The following UPK3B variants were observed in gnomAD, a reference collection of about 807,000 sequenced individuals.
UPK3B encodes the protein uroplakin 3B, also known as uroplakin-3b.
UPK3B carries 21 observed loss-of-function variants against 27.6 expected under a neutral mutation model. The ratio of observed to expected loss-of-function variants is 0.76; its 90% CI spans 0.54 to 1.10. UPK3B has a LOEUF of 1.10. Ranked by LOEUF, UPK3B falls within the 50% of genes least tolerant of loss-of-function variation. The probability of loss-of-function intolerance (pLI) is 0.00; values close to 1 mark genes in which losing one functional copy is unlikely to be tolerated. For synonymous variants in UPK3B, 141 were observed against 162.3 expected (o/e 0.87, Z 1.00); for missense variants, 306 against 376.1 (o/e 0.81, Z 1.54).
Position 76,510,663 on chromosome 7 carries a change from C to G in UPK3B, c.11C>G (p.Pro4Arg). Residue 4 changes from proline to arginine, a missense_variant, in exon 1 of 6, where the codon CCC becomes CGC. Pro to Arg is a moderately radical substitution (Grantham distance 103). Around this residue, in one of 4 missense-constraint regions of UPK3B, gnomAD observed 33 missense variants for 30.9 expected, o/e 1.07. Transcript: ENST00000334348. MGL[P>R]WGQPHLGLQM... The stretch of plus-strand genomic sequence containing the variant: ...GTGCTGGCAGCTGTCATGGGGCTAC[C>G]CTGGGGGCAGCCTCACCTAGGGCTG... 6.7e-7 allele frequency: 1 copy of G among 1,490,342 alleles called. No individual in the cohort carries two copies. 92.3% of individuals were successfully genotyped at this position (1,490,342 alleles called of 1,614,324 possible).
rs1812715001 is a variant in UPK3B, at chr7:76,515,891, C to T, written c.*687C>T. On this transcript the variant is annotated 3_prime_UTR_variant, in exon 6 of 6. Transcript: ENST00000334348. ...TTAGACTTGGGGCTTCAGGCATAGC[C>T]GGTCCTGACCTTGGGGAGATGCCTT... 2 of 610,644 alleles carry T rather than the reference C, an allele frequency of 3.3e-6. 1 individual carries two copies. 37.8% of individuals were successfully genotyped at this position (610,644 alleles called of 1,614,324 possible).
rs748035299 is a variant in UPK3B at position 76,510,714 on chromosome 7, G to T, written c.62G>T (p.Cys21Phe). The T allele has an allele frequency of 1.3e-6, 2 of 1,517,000 alleles. No individual in the cohort carries two copies. The highest frequency in any genetic ancestry group is 2.8e-5 in the African/African-American group (2 of 71,930). The allele number at this position is 1,517,000 out of a possible 1,614,324, so 94.0% of individuals were successfully genotyped here. ...CAGATGCTCCTCCTGGCGTTGAACTGTCTCCGGCCCAGCCTGAGCCTGGGT... is the reference window on the plus strand; with the variant it reads ...CAGATGCTCCTCCTGGCGTTGAACTTTCTCCGGCCCAGCCTGAGCCTGGGT... ...GLQMLLLALNCLRPSLSLELV... is the reference protein window; with the variant it reads ...GLQMLLLALNFLRPSLSLELV... Residue 21 changes from cysteine (C) to phenylalanine (F), a missense_variant, in exon 1 of 6, where the codon TGT becomes TTT. Cys to Phe is a radical substitution (Grantham distance 205). Transcript: ENST00000334348.
Position 76,510,748 on chromosome 7 carries a change from G to A in UPK3B, c.85+11G>A, listed in dbSNP as rs754153378. 6.5e-7 allele frequency: 1 copy of A among 1,539,958 alleles called. No individual in the cohort carries two copies. The highest frequency in any genetic ancestry group is 1.4e-5 in the African/African-American group (1 of 72,928). ...CCAGCCTGAGCCTGGGTGAGTGGGG[G>A]TCCTGGATGGACGCGTCCAGCCAGA... On this transcript the variant is annotated intron_variant, in intron 1 of 5. Coordinates refer to ENST00000334348, the MANE Select transcript of UPK3B (RefSeq NM_001347684.2).
rs753403732 is a variant in UPK3B, at chr7:76,511,790, C to T, written c.369C>T (p.Ser123=). 3.8e-6 allele frequency: 6 copies of T among 1,578,476 alleles called. No homozygotes were observed. The highest frequency in any genetic ancestry group is 5.2e-6 in the Non-Finnish European group (6 of 1,162,440). ...CCTGTGGCGACCCCATGGCGGGCAG[C>T]GGAGGCGCCCCCGTGCTGCGGGTGG... ...QLPCGDPMAG[S]GGAPVLRVGH... Residue 123 remains serine (S), a synonymous_variant, in exon 3 of 6, where the codon AGC becomes AGT. Coordinates refer to ENST00000334348, the MANE Select transcript of UPK3B (RefSeq NM_001347684.2).
rs1812535971 is a variant in UPK3B at position 76,511,711 on chromosome 7, A to G, written c.290A>G (p.Gln97Arg). ...ETLADIPASP[Q>R]LLTDGHYMTL... ...CTGGCTGACATTCCGGCCTCCCCAC[A>G]GCTGCTGACCGATGGCCACTACATG... The change falls in exon 3 of 6, where the codon CAG becomes CGG. Residue 97 changes from glutamine to arginine, a missense_variant. By Grantham distance (43) the Gln-to-Arg change is conservative. This residue lies in a region of UPK3B where 78 missense variants were observed against 120.2 expected (regional missense o/e 0.65). Transcript: ENST00000334348. The G allele has an allele frequency of 1.9e-6, 3 of 1,610,784 alleles. No individual in the cohort carries two copies. Among genetic ancestry groups the G allele is most frequent in the Admixed American group, 1.7e-5 (1 of 59,820 alleles).
In UPK3B at chr7:76,511,118, C is replaced by T. The variant is rs1354629506; in HGVS notation, c.235+66C>T. 36 of 1,448,532 alleles carry T rather than the reference C, an allele frequency of 2.5e-5. No homozygotes were observed. The South Asian group carries it at 3.3e-4, about 13-fold the overall frequency. The allele number at this position is 1,448,532 out of a possible 1,614,324, so 89.7% of individuals were successfully genotyped here. A position where few individuals can be genotyped will look rare whatever the true frequency, so the allele number is the denominator to read the frequency against. ...GAGGAGAGTGGTGGGCCCTAGGAGC[C>T]CCTCACCAGCAAGCGCCTTCAATGA... is the stretch of plus-strand genomic sequence containing the variant. On this transcript the variant is annotated intron_variant, in intron 2 of 5. Transcript: ENST00000334348.
rs943034402 is a variant in UPK3B, at chr7:76,511,994, G to A, written c.461+112G>A. On this transcript the variant is annotated intron_variant, in intron 3 of 5. Coordinates refer to ENST00000334348, the MANE Select transcript of UPK3B (RefSeq NM_001347684.2). ...TTTCCAGGGAGGGGTCCCCGGCCCC[G>A]GTCCTCCCCTTTGCAAGCCCGGGCT... 105 of 499,218 alleles carry A rather than the reference G, an allele frequency of 2.1e-4. 2 individuals carry two copies. In the East Asian group the frequency reaches 3.5e-3, roughly 17 times the overall value. 30.9% of individuals were successfully genotyped at this position (499,218 alleles called of 1,614,324 possible).
chr7:76,510,605 C>T lies in UPK3B; in HGVS notation c.-48C>T, dbSNP rs772140542. On this transcript the variant is annotated 5_prime_UTR_variant, in exon 1 of 6. Coordinates refer to ENST00000334348, the MANE Select transcript of UPK3B (RefSeq NM_001347684.2). Reference sequence around the variant, plus strand: ...AAGCTGTTGGGGGTGAGGTGCAGCCCGAAGCAGCCAGACCAGCCCCTGAGC... The same window carrying T: ...AAGCTGTTGGGGGTGAGGTGCAGCCTGAAGCAGCCAGACCAGCCCCTGAGC... 19 of 1,412,052 alleles carry T rather than the reference C, an allele frequency of 1.3e-5. No homozygotes were observed. Among genetic ancestry groups the T allele is most frequent in the Admixed American group, 5.3e-5 (2 of 38,052 alleles). 87.5% of individuals were successfully genotyped at this position (1,412,052 alleles called of 1,614,324 possible). A position where few individuals can be genotyped will look rare whatever the true frequency, so the allele number is the denominator to read the frequency against.
chr7:76,514,960 TG>T, intron 5 of UPK3B, 84 bp from the exon 6 acceptor site: 1 of 1,453,750 alleles, frequency 6.9e-7, no homozygotes, highest in Non-Finnish European at 9.2e-7. Context: ...ATGAGGGAGC[TG>T]GGAGGGAGGA....
chr7:76,515,262 C>A lies in UPK3B; in HGVS notation c.*58C>A, dbSNP rs1428608772. Reference sequence around the variant, plus strand: ...GGGCGCTGGGAGTGAGTGCATGGTGCTTTGTCCCAGCTCCTGCACCCACAG... The same window carrying A: ...GGGCGCTGGGAGTGAGTGCATGGTGATTTGTCCCAGCTCCTGCACCCACAG... On this transcript the variant is annotated 3_prime_UTR_variant, in exon 6 of 6. Transcript: ENST00000334348. 6.4e-7 allele frequency: 1 copy of A among 1,562,148 alleles called. No homozygotes were observed.
intron 4 of UPK3B, among the ~76,000 whole-genome samples, 177 bp downstream of exon 4, chr7:76,513,340 C>A (rs1402956558): frequency 6.6e-6 from 1 of 152,178 alleles, no homozygotes; most frequent in African/African-American, 2.4e-5. Flanking sequence ...CAGCCAGCCC[C>A]CTCGGCAGGG....
rs1385696936 is a variant in UPK3B, at chr7:76,511,850, C to T, written c.429C>T (p.Cys143=). 2 of 1,453,358 alleles carry T rather than the reference C, an allele frequency of 1.4e-6. No homozygotes were observed. Among genetic ancestry groups the T allele is most frequent in the Admixed American group, 5.3e-5 (2 of 38,052 alleles). 90.0% of individuals were successfully genotyped at this position (1,453,358 alleles called of 1,614,324 possible). A position where few individuals can be genotyped will look rare whatever the true frequency, so the allele number is the denominator to read the frequency against. ...ACGGCTGCCACCAGCAGCCCTTCTGCAACGCGCCCCTCCCTGGCCCTGGAC... is the reference window on the plus strand; with the variant it reads ...ACGGCTGCCACCAGCAGCCCTTCTGTAACGCGCCCCTCCCTGGCCCTGGAC... ...HDHGCHQQPF[C]NAPLPGPGPY... is the part of the protein sequence containing the mutation. Residue 143 remains cysteine (C), a synonymous_variant, in exon 3 of 6, where the codon TGC becomes TGT. Coordinates refer to ENST00000334348, the MANE Select transcript of UPK3B (RefSeq NM_001347684.2).
intron 4 of UPK3B, among the ~76,000 whole-genome samples, chr7:76,513,646 T>G (rs528671107): frequency 1.3e-5 from 2 of 151,796 alleles, no homozygotes; most frequent in Non-Finnish European, 2.9e-5. Flanking sequence ...GGGGTGGAAG[T>G]CTTGTCATCT....
chr7:76,511,859 C>T lies in UPK3B; in HGVS notation c.438C>T (p.Pro146=), dbSNP rs968082864. Residue 146 remains proline (P), a synonymous_variant, in exon 3 of 6, where the codon CCC becomes CCT. Coordinates refer to ENST00000334348, the MANE Select transcript of UPK3B (RefSeq NM_001347684.2). The stretch of plus-strand genomic sequence containing the variant: ...ACCAGCAGCCCTTCTGCAACGCGCC[C>T]CTCCCTGGCCCTGGACCCTATCGGT... ...GCHQQPFCNA[P]LPGPGPYRVK... 1.5e-5 allele frequency: 22 copies of T among 1,441,354 alleles called. No homozygotes were observed. The highest frequency in any genetic ancestry group is 1.0e-4 in the South Asian group (7 of 69,428). 89.3% of individuals were successfully genotyped at this position (1,441,354 alleles called of 1,614,324 possible). A position where few individuals can be genotyped will look rare whatever the true frequency, so the allele number is the denominator to read the frequency against.
At chr7:76,514,097 G>T (rs926141308) in intron 5 of UPK3B, 21 bp downstream of exon 5, 1 of 1,613,504 alleles carries the variant, frequency 6.2e-7, no homozygotes, top group Non-Finnish European at 8.5e-7. Context: ...ACACCCCCTC[G>T]GGCCCCTCTC....
chr7:76,513,290 C>T lies in UPK3B; in HGVS notation c.541+127C>T. 4 of 862,190 alleles carry T rather than the reference C, an allele frequency of 4.6e-6. No individual in the cohort carries two copies. In the Admixed American group the frequency reaches 1.1e-4, roughly 23 times the overall value. The allele number at this position is 862,190 out of a possible 1,614,324, so 53.4% of individuals were successfully genotyped here. ...CTGGAGGCCATGTCCAAGTCGGGCC[C>T]AGCCCCCAACAGAACCTCATGCTGG... On this transcript the variant is annotated intron_variant, in intron 4 of 5. Coordinates refer to ENST00000334348, the MANE Select transcript of UPK3B (RefSeq NM_001347684.2).
rs754686614 is a variant in UPK3B at position 76,510,673 on chromosome 7, G to C, written c.21G>C (p.Gln7His). 5.4e-6 allele frequency: 8 copies of C among 1,492,776 alleles called. No homozygotes were observed. The East Asian group carries it at 1.8e-4, about 34-fold the overall frequency. The allele number at this position is 1,492,776 out of a possible 1,614,324, so 92.5% of individuals were successfully genotyped here. A position where few individuals can be genotyped will look rare whatever the true frequency, so the allele number is the denominator to read the frequency against. Reference protein sequence around the residue: MGLPWGQPHLGLQMLLL... With the variant: MGLPWGHPHLGLQMLLL... ...CTGTCATGGGGCTACCCTGGGGGCA[G>C]CCTCACCTAGGGCTGCAGATGCTCC... Residue 7 changes from glutamine to histidine, a missense_variant, in exon 1 of 6, where the codon CAG (glutamine) becomes CAC (histidine). By Grantham distance (24) the Gln-to-His change is conservative. Around this residue, in one of 4 missense-constraint regions of UPK3B, gnomAD observed 33 missense variants for 30.9 expected, o/e 1.07. Coordinates refer to ENST00000334348, the MANE Select transcript of UPK3B (RefSeq NM_001347684.2).
rs1267105913 is a variant in UPK3B, at chr7:76,510,635, C to T, written c.-18C>T. ...CAGCCAGACCAGCCCCTGAGCCTCC[C>T]GGGTGCTGGCAGCTGTCATGGGGCT... is the stretch of plus-strand genomic sequence containing the variant. On this transcript the variant is annotated 5_prime_UTR_variant, in exon 1 of 6. Transcript: ENST00000334348. 32 of 1,452,926 alleles carry T rather than the reference C, an allele frequency of 2.2e-5. No homozygotes were observed. The highest frequency in any genetic ancestry group is 4.7e-5 in the East Asian group (2 of 42,518). 90.0% of individuals were successfully genotyped at this position (1,452,926 alleles called of 1,614,324 possible). A position where few individuals can be genotyped will look rare whatever the true frequency, so the allele number is the denominator to read the frequency against.
At position 76,511,066 on chromosome 7, in the gene UPK3B, T is replaced by C; in HGVS notation, c.235+14T>C. ...CCTTCAGCAATGGTACGGGGACTGC[T>C]GTGGGGCCTGGGTGAGGGTGACGGC... On this transcript the variant is annotated intron_variant, in intron 2 of 5. Transcript: ENST00000334348. The C allele has an allele frequency of 6.4e-7, 1 of 1,558,420 alleles. No homozygotes were observed. Among genetic ancestry groups the C allele is most frequent in the Non-Finnish European group, 8.7e-7 (1 of 1,145,246 alleles).
Sources: allele counts gnomAD v4.1 joint callset (sites outside exome capture counted in the v4.1 genomes callset), GRCh38; gene constraint gnomAD v4.1.1; regional missense constraint gnomAD v4.1.1; transcripts MANE v1.5; gene names NCBI Gene and HGNC (gene_info 2026-07-23, HGNC 2026-07-21).